ZBTB20: variants seen among roughly 807,000 people sequenced by gnomAD.
ZBTB20 encodes the protein zinc finger and BTB domain-containing protein 20.
Under a neutral mutation model 56.9 loss-of-function variants are expected in ZBTB20, and 9 were observed. The ratio of observed to expected loss-of-function variants is 0.16; its 90% CI spans 0.10 to 0.28. The LOEUF (loss-of-function observed/expected upper bound fraction) is 0.28. ZBTB20 is among the 10% of genes least tolerant of loss of function. The probability of loss-of-function intolerance (pLI) is 1.00; values close to 1 mark genes in which losing one functional copy is unlikely to be tolerated. For synonymous variants in ZBTB20, 417 were observed against 420.7 expected, an observed-to-expected ratio of 0.99 and a Z score of 0.11; for missense variants, 655 against 1,003.0, an observed-to-expected ratio of 0.65 and a Z score of 4.69.
chr3:114,398,845 T>A (rs1258731847), intron 7 of ZBTB20, among the ~76,000 whole-genome samples: 1 of 152,180 alleles, frequency 6.6e-6, no homozygotes, highest in Admixed American at 6.5e-5. Flanking sequence ...TGCTACTGCC[T>A]TCTAGTCACA....
At chr3:114,508,714 CAA>C (rs1491557407) in intron 6 of ZBTB20, among the ~76,000 whole-genome samples, 2 of 151,960 alleles carry the variant, frequency 1.3e-5, no homozygotes, top group South Asian at 2.1e-4. Flanking sequence ...AAAATGAATT[CAA>C]GAGAGAGAGA....
At chr3:114,762,181 G>GA (rs1285471840) in intron 5 of ZBTB20, among the ~76,000 whole-genome samples, 4 of 152,126 alleles carry the variant, frequency 2.6e-5, no homozygotes, top group Non-Finnish European at 5.9e-5. Context: ...GTTAATAATA[G>GA]AAAAAATTCT....
At chr3:114,921,963 C>T (rs112220940) in intron 3 of ZBTB20, among the ~76,000 whole-genome samples, 2,364 of 152,028 alleles carry the variant, frequency 0.016, 28 homozygotes, top group African/African-American at 0.029. Context: ...AACAAAGTAC[C>T]ACCAAACCAA....
chr3:114,567,292 G>A (rs1311729643), intron 6 of ZBTB20, among the ~76,000 whole-genome samples: 2 of 152,100 alleles, frequency 1.3e-5, no homozygotes, highest in Admixed American at 6.5e-5. Context: ...CAGGGTCCTC[G>A]GGAAAAAAAT....
intron 6 of ZBTB20, among the ~76,000 whole-genome samples, chr3:114,628,407 T>C (rs766513780): frequency 6.6e-5 from 10 of 152,116 alleles, no homozygotes; most frequent in Non-Finnish European, 1.3e-4. Flanking sequence ...AAGGGGCCAA[T>C]TCACAAATGA....
At chr3:114,404,386 A>G (rs1335826323) in intron 7 of ZBTB20, among the ~76,000 whole-genome samples, 1 of 152,164 alleles carries the variant, frequency 6.6e-6, no homozygotes, top group African/African-American at 2.4e-5. Flanking sequence ...TGGTAAGCAT[A>G]AAGCTGCAAA....
At chr3:114,722,112 A>T (rs555971622) in intron 5 of ZBTB20, among the ~76,000 whole-genome samples, 22 of 152,340 alleles carry the variant, frequency 1.4e-4, no homozygotes, top group African/African-American at 5.3e-4. Flanking sequence ...ATTAATTGTA[A>T]TAAGTGAGAA....
intron 6 of ZBTB20, among the ~76,000 whole-genome samples, chr3:114,674,942 A>G (rs116105069): frequency 0.017 from 2,651 of 151,634 alleles, 43 homozygotes; most frequent in Non-Finnish European, 0.026. Context: ...AAAACAGAAG[A>G]AAAGGTATCC....
At chr3:114,693,407 A>G (rs1001109744) in intron 6 of ZBTB20, 121 bp downstream of exon 6, 1 of 152,172 alleles carries the variant, frequency 6.6e-6, no homozygotes, top group Admixed American at 6.6e-5. Flanking sequence ...GCTAAAGTTT[A>G]GACCCAAAGA....
intron 4 of ZBTB20, among the ~76,000 whole-genome samples, chr3:114,889,691 CAG>C (rs1396929743): frequency 1.3e-5 from 2 of 151,960 alleles, no homozygotes; most frequent in Non-Finnish European, 2.9e-5. Flanking sequence ...TTACAAATGA[CAG>C]AGAACTGTTA....
At chr3:114,975,817 A>G (rs1005082577) in intron 2 of ZBTB20, among the ~76,000 whole-genome samples, 1 of 152,208 alleles carries the variant, frequency 6.6e-6, no homozygotes, top group Non-Finnish European at 1.5e-5. Context: ...TACAAAAGTT[A>G]CTTTTATTAA....
chr3:114,888,478 A>G (rs1379784045), intron 4 of ZBTB20, among the ~76,000 whole-genome samples: 1 of 152,224 alleles, frequency 6.6e-6, no homozygotes, highest in Non-Finnish European at 1.5e-5. Flanking sequence ...TATATGATCA[A>G]TAGCAAAAGT....
At chr3:114,642,458 A>G (rs1353612699) in intron 6 of ZBTB20, among the ~76,000 whole-genome samples, 1 of 151,924 alleles carries the variant, frequency 6.6e-6, no homozygotes, top group African/African-American at 2.4e-5. Context: ...AAAAAAGGAA[A>G]ATTTTGTTGG....
intron 6 of ZBTB20, among the ~76,000 whole-genome samples, chr3:114,598,907 G>C (rs952338150): frequency 4.6e-5 from 7 of 152,002 alleles, no homozygotes; most frequent in African/African-American, 1.7e-4. Context: ...GTTGTGTCCA[G>C]TTTGCAAAGT....
intron 6 of ZBTB20, among the ~76,000 whole-genome samples, chr3:114,621,116 A>T (rs959119276): frequency 6.6e-6 from 1 of 152,208 alleles, no homozygotes; most frequent in African/African-American, 2.4e-5. Flanking sequence ...TTTCTACTTA[A>T]TTTTAAACTT....
At chr3:114,665,615 T>G (rs1293467669) in intron 6 of ZBTB20, among the ~76,000 whole-genome samples, 1 of 152,048 alleles carries the variant, frequency 6.6e-6, no homozygotes, top group Non-Finnish European at 1.5e-5. Context: ...TGCAATTATG[T>G]GAAACTATCT....
At chr3:114,659,455 C>T (rs2060597058) in intron 6 of ZBTB20, among the ~76,000 whole-genome samples, 1 of 152,190 alleles carries the variant, frequency 6.6e-6, no homozygotes. Flanking sequence ...GCATCAAAGG[C>T]TGTGTTCCCC....
At chr3:114,989,329 G>A (rs1362089619) in intron 2 of ZBTB20, among the ~76,000 whole-genome samples, 1 of 152,142 alleles carries the variant, frequency 6.6e-6, no homozygotes, top group African/African-American at 2.4e-5. Context: ...TGGCTAGCCA[G>A]TTTTCCCAGC....
intron 6 of ZBTB20, among the ~76,000 whole-genome samples, chr3:114,544,149 T>C (rs922976127): frequency 9.9e-5 from 15 of 152,212 alleles, no homozygotes; most frequent in African/African-American, 3.6e-4. Flanking sequence ...GTCATAAAGA[T>C]AAATTAAATA....
Sources: gnomAD v4.1 joint callset for allele counts (sites outside exome capture counted in the v4.1 genomes callset) on GRCh38, gnomAD v4.1.1 for gene constraint, MANE v1.5 for transcripts, NCBI Gene and HGNC (gene_info 2026-07-23, HGNC 2026-07-21) for gene names.